The following MINDY4B variants were observed in gnomAD, a reference collection of about 807,000 sequenced individuals.
MINDY4B encodes inactive ubiquitin carboxyl-terminal hydrolase MINDY-4B.
In MINDY4B, 25 loss-of-function variants were observed where a neutral mutation model predicts 16.7. That is an observed-to-expected ratio of 1.49 (90% CI 1.09 to 2.09). The LOEUF (loss-of-function observed/expected upper bound fraction) is 2.09. Ranked by LOEUF, MINDY4B falls within the 30% of genes most tolerant of loss-of-function variation. MINDY4B has a pLI of 0.00. For synonymous variants in MINDY4B, 132 were observed against 61.9 expected (o/e 2.13, Z -5.32); for missense variants, 327 against 168.4 (o/e 1.94, Z -5.21).
chr3:150,882,417 C>T (rs1711536257), intron 10 of MINDY4B, among the ~76,000 whole-genome samples: 1 of 151,602 alleles, frequency 6.6e-6, no homozygotes, highest in Non-Finnish European at 1.5e-5. Context: ...TTTTTTTAAG[C>T]TTTGAGCAAT....
chr3:150,896,283 C>G (rs1353870987), intron 3 of MINDY4B, among the ~76,000 whole-genome samples: 3 of 151,822 alleles, frequency 2.0e-5, no homozygotes, highest in African/African-American at 7.3e-5. Context: ...TTCTTATATC[C>G]TTTTTTGGAT....
intron 10 of MINDY4B, among the ~76,000 whole-genome samples, chr3:150,879,758 G>A (rs1444699327): frequency 6.6e-6 from 1 of 152,124 alleles, no homozygotes; most frequent in Non-Finnish European, 1.5e-5. Context: ...CTCTGTTCTG[G>A]GGGATGACCT....
chr3:150,891,208 G>A, intron 5 of MINDY4B, 105 bp from the exon 6 acceptor site: 1 of 631,184 alleles, frequency 1.6e-6, no homozygotes, highest in Non-Finnish European at 2.9e-6. Flanking sequence ...AAGTCAGAGA[G>A]CAGCGATTTA....
intron 10 of MINDY4B, among the ~76,000 whole-genome samples, chr3:150,877,796 A>G (rs910999834): frequency 6.6e-6 from 1 of 152,192 alleles, no homozygotes; most frequent in Non-Finnish European, 1.5e-5. Context: ...TATACCTATA[A>G]CAGATATTAT....
chr3:150,898,406 G>A (rs1712031664), intron 3 of MINDY4B, among the ~76,000 whole-genome samples: 1 of 152,184 alleles, frequency 6.6e-6, no homozygotes, highest in Non-Finnish European at 1.5e-5. Context: ...CAACTTAGAA[G>A]CTTCTCTCTC....
Position 150,893,411 on chromosome 3 carries a change from C to T in MINDY4B, c.434G>A (p.Gly145Glu), listed in dbSNP as rs1559967877. ...CACAGCCATCTGAATGCTTCGGGCC[C>T]CTCCCTGAAATGAGGAGAATGAATG... ...LAFTLEVGKG[G>E]ARSIQMAVQG... Residue 145 changes from glycine to glutamate, a missense_variant, in exon 5 of 12, where the codon GGG becomes GAG. Physicochemically the swap from Gly to Glu is moderately conservative, Grantham distance 98. Coordinates refer to ENST00000465419, the MANE Select transcript of MINDY4B (RefSeq NM_001351281.2). 1.4e-6 allele frequency: 1 copy of T among 702,698 alleles called. No individual in the cohort carries two copies. The highest frequency in any genetic ancestry group is 2.7e-5 in the East Asian group (1 of 37,284). 43.5% of individuals were successfully genotyped at this position (702,698 alleles called of 1,614,324 possible).
intron 11 of MINDY4B, 134 bp downstream of exon 11, chr3:150,873,053 G>A (rs568078720): frequency 1.1e-5 from 6 of 569,846 alleles, no homozygotes; most frequent in African/African-American, 7.5e-5. Context: ...TCATGTGTGG[G>A]TTTCATTTCA....
chr3:150,891,761 CAA>C lies in MINDY4B; in HGVS notation c.522-660_522-659del, dbSNP rs35565267. On this transcript the variant is annotated intron_variant, in intron 5 of 11. Coordinates refer to ENST00000465419, the MANE Select transcript of MINDY4B (RefSeq NM_001351281.2). ...TGGGTGACAGAGTGAGACTCCATCT[CAA>C]AAAAAAAAAAAAAAAAAAAAAGTCA... 1.3e-4 allele frequency among the ~76,000 whole-genome samples: 9 copies of C among 68,658 alleles called. No homozygotes were observed. In the South Asian group the frequency reaches 1.4e-3, roughly 11 times the overall value. 45.0% of individuals were successfully genotyped at this position (68,658 alleles called of 152,430 possible).
intron 10 of MINDY4B, among the ~76,000 whole-genome samples, chr3:150,874,440 G>A (rs1717044677): frequency 6.6e-6 from 1 of 152,180 alleles, no homozygotes; most frequent in African/African-American, 2.4e-5. Context: ...CCATCAGTTT[G>A]TTTACACAGG....
At chr3:150,903,736 GACA>G (rs1712172399) in intron 2 of MINDY4B, among the ~76,000 whole-genome samples, 1 of 152,178 alleles carries the variant, frequency 6.6e-6, no homozygotes, top group Non-Finnish European at 1.5e-5. Flanking sequence ...GTTTTGAGAA[GACA>G]ACATTTTATA....
At chr3:150,878,584 T>C (rs1480178941) in intron 10 of MINDY4B, among the ~76,000 whole-genome samples, 1 of 152,184 alleles carries the variant, frequency 6.6e-6, no homozygotes, top group Non-Finnish European at 1.5e-5. Flanking sequence ...GAAAGAAGAA[T>C]GAAAAGCCAC....
At chr3:150,885,594 T>C (rs1258689508) in intron 7 of MINDY4B, among the ~76,000 whole-genome samples, 156 bp from the exon 8 acceptor site, 1 of 152,202 alleles carries the variant, frequency 6.6e-6, no homozygotes, top group African/African-American at 2.4e-5. Flanking sequence ...CTTCCTACTC[T>C]AAAATTTGTT....
intron 3 of MINDY4B, among the ~76,000 whole-genome samples, chr3:150,898,952 T>G (rs536285175): frequency 6.6e-6 from 1 of 152,220 alleles, no homozygotes; most frequent in African/African-American, 2.4e-5. Context: ...TCTTTAAAGC[T>G]CCTTCCCTAA....
chr3:150,887,968 C>G (rs537838499), intron 7 of MINDY4B, among the ~76,000 whole-genome samples: 10 of 152,030 alleles, frequency 6.6e-5, no homozygotes, highest in African/African-American at 2.4e-4. Flanking sequence ...ATTAGCCAGG[C>G]GTGGTGGCGG....
intron 10 of MINDY4B, among the ~76,000 whole-genome samples, chr3:150,879,928 A>G (rs1423964341): frequency 1.3e-5 from 2 of 152,230 alleles, no homozygotes; most frequent in Admixed American, 6.5e-5. Context: ...GAGCCTCCCA[A>G]TTAGTATTCA....
chr3:150,881,412 C>T (rs1019453571), intron 10 of MINDY4B, among the ~76,000 whole-genome samples: 1 of 151,844 alleles, frequency 6.6e-6, no homozygotes, highest in Admixed American at 6.6e-5. Context: ...GTTATATACT[C>T]ATATTTGATA....
chr3:150,883,610 ATTGC>A (rs1711560031), intron 9 of MINDY4B, 86 bp downstream of exon 9: 1 of 661,088 alleles, frequency 1.5e-6, no homozygotes, highest in African/African-American at 1.8e-5. Flanking sequence ...CAAAATTCAG[ATTGC>A]TTTTCTTTTT....
chr3:150,872,312 A>G (rs1180629262), intron 11 of MINDY4B, among the ~76,000 whole-genome samples: 1 of 152,232 alleles, frequency 6.6e-6, no homozygotes, highest in Admixed American at 6.5e-5. Context: ...AAAGAAAAAG[A>G]ATTAGGAGCT....
intron 7 of MINDY4B, 80 bp from the exon 8 acceptor site, chr3:150,885,518 T>A (rs1251538579): frequency 4.4e-6 from 3 of 682,782 alleles, no homozygotes; most frequent in Non-Finnish European, 8.0e-6. Context: ...ATTCAAGGAT[T>A]TACAGGCTGA....
Sources: gnomAD v4.1 joint callset for allele counts (sites outside exome capture counted in the v4.1 genomes callset) on GRCh38, gnomAD v4.1.1 for gene constraint, MANE v1.5 for transcripts, NCBI Gene and HGNC (gene_info 2026-07-23, HGNC 2026-07-21) for gene names.